Variants in MBD5 observed in about 807,000 individuals in gnomAD.
MBD5 encodes the protein methyl-CpG binding domain protein 5, also known as methyl-CpG-binding domain protein 5.
In MBD5, 13 loss-of-function variants were observed where a neutral mutation model predicts 117.3. That is an observed-to-expected ratio of 0.11 (90% confidence interval 0.07 to 0.18). The LOEUF is 0.18. Ranked by LOEUF, MBD5 falls within the 10% of genes least tolerant of loss-of-function variation. The pLI is 1.00. For missense variants in MBD5, 1,879 were observed against 2,093.8 expected, an observed-to-expected ratio of 0.90 and a Z score of 2.00; for synonymous variants, 727 against 766.4, an observed-to-expected ratio of 0.95 and a Z score of 0.85.
rs1283171716 is a variant in MBD5, at chr2:148,483,121, C to T, written c.2530C>T (p.Pro844Ser). 2 of 1,610,524 alleles carry T rather than the reference C, an allele frequency of 1.2e-6. No individual in the cohort carries two copies. The highest frequency in any genetic ancestry group is 1.7e-6 in the Non-Finnish European group (2 of 1,179,692). Residue 844 changes from proline to serine, a missense_variant, in exon 9 of 14, where the codon CCA becomes TCA. Transcript: ENST00000642680. ...QTSSEAGGSG[P>S]SSSIAIAGTN... ...TTTTTTCATTTTAGGCGGTTCAGGA[C>T]CATCATCCTCCATAGCCATAGCGGG...
chr2:148,384,194 T>C (rs1704262380), intron 4 of MBD5, among the ~76,000 whole-genome samples: 2 of 152,170 alleles, frequency 1.3e-5, no homozygotes, highest in Non-Finnish European at 2.9e-5. Flanking sequence ...GATGACATGA[T>C]TGTATATCTA....
intron 10 of MBD5, among the ~76,000 whole-genome samples, chr2:148,488,625 C>T (rs1215821408): frequency 7.6e-6 from 1 of 131,016 alleles, no homozygotes; most frequent in African/African-American, 3.0e-5. Flanking sequence ...TATCAAGGGT[C>T]TAGAGCAGTA....
chr2:148,143,371 A>G (rs936776569), intron 1 of MBD5, among the ~76,000 whole-genome samples: 1 of 152,180 alleles, frequency 6.6e-6, no homozygotes, highest in African/African-American at 2.4e-5. Flanking sequence ...AGACAGACAG[A>G]GTAGAGACAA....
intron 8 of MBD5, among the ~76,000 whole-genome samples, chr2:148,477,828 T>C (rs532378272): frequency 3.3e-5 from 5 of 152,186 alleles, no homozygotes; most frequent in African/African-American, 1.2e-4. Flanking sequence ...ATATGACTTA[T>C]TTCTTAGGTT....
At chr2:148,374,242 C>T (rs1352847217) in intron 4 of MBD5, among the ~76,000 whole-genome samples, 3 of 101,642 alleles carry the variant, frequency 3.0e-5, no homozygotes, top group Non-Finnish European at 5.6e-5. Context: ...TTTATGCATA[C>T]ACACACACAC....
intron 4 of MBD5, among the ~76,000 whole-genome samples, chr2:148,388,544 T>G (rs549636869): frequency 6.6e-6 from 1 of 152,332 alleles, no homozygotes; most frequent in East Asian, 1.9e-4. Context: ...ATAATTATAT[T>G]CATTTTCTAG....
chr2:148,341,982 C>T (rs959235995), intron 3 of MBD5, among the ~76,000 whole-genome samples: 4 of 151,768 alleles, frequency 2.6e-5, no homozygotes, highest in African/African-American at 9.7e-5. Context: ...TATGTTTCTT[C>T]TGATTATATT....
intron 12 of MBD5, among the ~76,000 whole-genome samples, chr2:148,507,656 G>A (rs986735231): frequency 3.4e-4 from 52 of 152,024 alleles, no homozygotes; most frequent in Non-Finnish European, 6.2e-4. Flanking sequence ...CTACTCGAGG[G>A]GGCTGAGACA....
rs1025274456 is a variant in MBD5 at position 148,371,625 on chromosome 2, ATAACT to A, written c.-557+29292_-557+29296del. 2.0e-5 allele frequency among the ~76,000 whole-genome samples: 3 copies of A among 152,292 alleles called. No individual in the cohort carries two copies. The South Asian group carries it at 6.2e-4, about 32-fold the overall frequency. ...TGTGTGATCTTTTAGTAAGAAATTAATAACTTAGAGTGGAAAAGAAGGGCACAGAA... is the reference window on the plus strand; with the variant it reads ...TGTGTGATCTTTTAGTAAGAAATTAATAGAGTGGAAAAGAAGGGCACAGAA... On this transcript the variant is annotated intron_variant, in intron 4 of 13. Transcript: ENST00000642680.
chr2:148,328,387 C>G (rs1312952461), intron 3 of MBD5, among the ~76,000 whole-genome samples: 1 of 151,860 alleles, frequency 6.6e-6, no homozygotes, highest in East Asian at 1.9e-4. Flanking sequence ...AGCTTCCCAG[C>G]TGCTTTGTTT....
At chr2:148,271,447 A>G (rs1700984233) in intron 3 of MBD5, among the ~76,000 whole-genome samples, 1 of 152,178 alleles carries the variant, frequency 6.6e-6, no homozygotes, top group Admixed American at 6.5e-5. Context: ...TCCCAAGACA[A>G]TTATTCCATG....
intron 3 of MBD5, among the ~76,000 whole-genome samples, chr2:148,295,174 G>T (rs553566415): frequency 5.1e-4 from 77 of 152,050 alleles, no homozygotes; most frequent in Non-Finnish European, 1.0e-3. Context: ...CCCCTCTTAT[G>T]CATATGCTGC....
chr2:148,139,634 A>T (rs1287639832), intron 1 of MBD5, among the ~76,000 whole-genome samples: 2 of 152,094 alleles, frequency 1.3e-5, no homozygotes, highest in Non-Finnish European at 2.9e-5. Context: ...CATAGATACG[A>T]TTTTTTCATG....
At chr2:148,199,576 T>G (rs1453770526) in intron 2 of MBD5, among the ~76,000 whole-genome samples, 1 of 152,104 alleles carries the variant, frequency 6.6e-6, no homozygotes, top group Admixed American at 6.6e-5. Flanking sequence ...GAGACCAGCC[T>G]GGGCATGATG....
chr2:148,448,903 T>G (rs1219753408), intron 4 of MBD5, among the ~76,000 whole-genome samples: 1 of 152,042 alleles, frequency 6.6e-6, no homozygotes, highest in East Asian at 1.9e-4. Context: ...TACTCTTAAA[T>G]TGGTTATGTA....
At chr2:148,126,576 A>C (rs2105440411) in intron 1 of MBD5, among the ~76,000 whole-genome samples, 2 of 152,192 alleles carry the variant, frequency 1.3e-5, no homozygotes, top group Middle Eastern at 6.8e-3. Context: ...CTCCATACAC[A>C]CCAAAAGGGA....
intron 1 of MBD5, among the ~76,000 whole-genome samples, chr2:148,129,355 C>A (rs1370052502): frequency 1.3e-5 from 2 of 152,064 alleles, no homozygotes; most frequent in East Asian, 1.9e-4. Flanking sequence ...ATTAGCCAGG[C>A]GTGGCGATGT....
chr2:148,209,163 A>G (rs968066398), intron 2 of MBD5, among the ~76,000 whole-genome samples: 4 of 152,196 alleles, frequency 2.6e-5, no homozygotes, highest in African/African-American at 7.2e-5. Context: ...TTTGCTACAT[A>G]TGATCATTTT....
At chr2:148,512,068 G>C (rs1286719404) in intron 13 of MBD5, among the ~76,000 whole-genome samples, 1 of 152,204 alleles carries the variant, frequency 6.6e-6, no homozygotes, top group African/African-American at 2.4e-5. Context: ...TTAAGCATTT[G>C]CTACACCATT....
Sources: gnomAD v4.1 joint callset for allele counts (sites outside exome capture counted in the v4.1 genomes callset) on GRCh38, gnomAD v4.1.1 for gene constraint, MANE v1.5 for transcripts, NCBI Gene and HGNC (gene_info 2026-07-23, HGNC 2026-07-21) for gene names.